Variants in LEMD3 observed in about 807,000 individuals in gnomAD.
The protein encoded by LEMD3 is inner nuclear membrane protein Man1.
LEMD3 carries 33 observed loss-of-function variants against 95.2 expected under a neutral mutation model. The ratio of observed to expected loss-of-function variants is 0.35; its 90% CI spans 0.26 to 0.46. LEMD3 has a LOEUF of 0.46. Ranked by LOEUF, LEMD3 falls within the 20% of genes least tolerant of loss-of-function variation. The pLI, the probability that LEMD3 is intolerant of heterozygous loss-of-function variation, is 1.00. For missense variants in LEMD3, 1,210 were observed against 1,192.8 expected, an observed-to-expected ratio of 1.01 and a Z score of -0.21; for synonymous variants, 525 against 474.6, an observed-to-expected ratio of 1.11 and a Z score of -1.38.
chr12:65,226,522 T>C (rs1870453369), intron 4 of LEMD3, among the ~76,000 whole-genome samples: 1 of 152,228 alleles, frequency 6.6e-6, no homozygotes, highest in Non-Finnish European at 1.5e-5. Flanking sequence ...GAATGTAGTA[T>C]ATGTTTTAAG....
intron 12 of LEMD3, 88 bp downstream of exon 12, chr12:65,246,027 G>T: frequency 1.5e-6 from 2 of 1,306,542 alleles, no homozygotes; most frequent in East Asian, 2.3e-5. Flanking sequence ...AAGAATTTAG[G>T]TTAGCATTTT....
intron 1 of LEMD3, among the ~76,000 whole-genome samples, chr12:65,190,355 A>C (rs951817352): frequency 1.3e-5 from 2 of 152,138 alleles, no homozygotes; most frequent in Admixed American, 6.6e-5. Flanking sequence ...GGGGTTGGAC[A>C]CGTCTCATTT....
At chr12:65,229,205 T>C (rs146871946) in intron 4 of LEMD3, among the ~76,000 whole-genome samples, 1 of 152,358 alleles carries the variant, frequency 6.6e-6, no homozygotes, top group East Asian at 1.9e-4. Context: ...TGCATCGGTG[T>C]TGATGTGAAT....
In LEMD3 at chr12:65,248,125, CATT is replaced by C. The variant is rs1291424631; in HGVS notation, c.*1801_*1803del. On this transcript the variant is annotated 3_prime_UTR_variant, in exon 13 of 13. Coordinates refer to ENST00000308330, the MANE Select transcript of LEMD3 (RefSeq NM_014319.5). ...GCTTCTAAAACATATTTCATGTAAA[CATT>C]GTACATTTATTATTGTAATATATAC... 1 of 152,352 alleles carries C rather than the reference CATT, an allele frequency of 6.6e-6. No individual in the cohort carries two copies. The highest frequency in any genetic ancestry group is 2.4e-5 in the African/African-American group (1 of 41,386). 9.4% of individuals were successfully genotyped at this position (152,352 alleles called of 1,614,324 possible). A position where few individuals can be genotyped will look rare whatever the true frequency, so the allele number is the denominator to read the frequency against.
intron 1 of LEMD3, among the ~76,000 whole-genome samples, chr12:65,200,040 C>A (rs1445264788): frequency 2.0e-5 from 3 of 150,668 alleles, no homozygotes; most frequent in Non-Finnish European, 1.5e-5. Context: ...GGGGGTGCAA[C>A]CCCTGCACCC....
At chr12:65,227,247 T>G (rs1870477762) in intron 4 of LEMD3, among the ~76,000 whole-genome samples, 1 of 152,220 alleles carries the variant, frequency 6.6e-6, no homozygotes, top group South Asian at 2.1e-4. Flanking sequence ...GGTTTTCACT[T>G]CTAGTAGTAG....
At chr12:65,228,202 T>C (rs545864161) in intron 4 of LEMD3, among the ~76,000 whole-genome samples, 64 of 151,858 alleles carry the variant, frequency 4.2e-4, no homozygotes, top group Non-Finnish European at 8.8e-4. Context: ...AGATGCGGGG[T>C]TGGGGTAAGT....
At position 65,169,598 on chromosome 12, in the gene LEMD3, T is replaced by TGGCGGCGGCAGCAGCTTC. The variant is rs1868436104; in HGVS notation, c.7_24dup (p.Ala3_Ala8dup). ...CTTGTAAAACACCCTGGAGAGAAAATGGCGGCGGCAGCAGCTTCGGCGCCT... is the reference window on the plus strand; with the variant it reads ...CTTGTAAAACACCCTGGAGAGAAAATGGCGGCGGCAGCAGCTTCGGCGGCGGCAGCAGCTTCGGCGCCT... On this transcript the variant is annotated inframe_insertion, in exon 1 of 13. Transcript: ENST00000308330. The TGGCGGCGGCAGCAGCTTC allele has an allele frequency of 1.9e-6, 3 of 1,587,568 alleles. No homozygotes were observed. The highest frequency in any genetic ancestry group is 1.8e-5 in the Admixed American group (1 of 55,692).
At chr12:65,241,151 T>C in intron 9 of LEMD3, 64 bp downstream of exon 9, 1 of 1,380,804 alleles carries the variant, frequency 7.2e-7, no homozygotes, top group Non-Finnish European at 1.0e-6. Flanking sequence ...CAAATATGTG[T>C]TAAGTGAAAC....
chr12:65,221,263 A>C (rs1410095130), intron 4 of LEMD3, among the ~76,000 whole-genome samples: 1 of 148,146 alleles, frequency 6.8e-6, no homozygotes, highest in African/African-American at 2.5e-5. Context: ...AAATCTTTCT[A>C]ATGCTATTAT....
intron 1 of LEMD3, among the ~76,000 whole-genome samples, chr12:65,189,088 T>A (rs1869157380): frequency 6.6e-6 from 1 of 152,192 alleles, no homozygotes; most frequent in Non-Finnish European, 1.5e-5. Flanking sequence ...TAGGCACAGT[T>A]AAGAGATTAA....
chr12:65,175,033 C>G (rs537809427), intron 1 of LEMD3, among the ~76,000 whole-genome samples: 16 of 152,084 alleles, frequency 1.1e-4, no homozygotes, highest in African/African-American at 3.9e-4. Context: ...ATTCCTGAGG[C>G]AAAAACAGGC....
At chr12:65,229,798 A>T (rs1014835915) in intron 4 of LEMD3, among the ~76,000 whole-genome samples, 6 of 152,048 alleles carry the variant, frequency 3.9e-5, no homozygotes, top group South Asian at 2.1e-4. Flanking sequence ...TCATCTCTTC[A>T]CTCTGTTGCT....
In LEMD3 at chr12:65,246,301, A is replaced by G; in HGVS notation, c.2712A>G (p.Leu904=). The G allele has an allele frequency of 6.2e-7, 1 of 1,613,424 alleles. No individual in the cohort carries two copies. The highest frequency in any genetic ancestry group is 8.5e-7 in the Non-Finnish European group (1 of 1,179,546). Residue 904 remains leucine, a synonymous_variant, in exon 13 of 13, where the codon CTA becomes CTG. Coordinates refer to ENST00000308330, the MANE Select transcript of LEMD3 (RefSeq NM_014319.5). ...SMSHLRLRTG[L]TNSQGSS ...CTCATCTTCGTCTTCGGACTGGCCT[A>G]ACCAATTCTCAAGGAAGTTCCTGAA... is the stretch of plus-strand genomic sequence containing the variant.
chr12:65,214,515 A>G (rs921227818), intron 2 of LEMD3, among the ~76,000 whole-genome samples: 2 of 152,130 alleles, frequency 1.3e-5, no homozygotes, highest in Admixed American at 1.3e-4. Flanking sequence ...GGCACTTTTG[A>G]TGAGTTTTCC....
intron 1 of LEMD3, among the ~76,000 whole-genome samples, chr12:65,173,415 T>C (rs577348010): frequency 6.6e-6 from 1 of 152,334 alleles, no homozygotes; most frequent in South Asian, 2.1e-4. Flanking sequence ...ATTTACATTT[T>C]AGTAAATGGT....
At chr12:65,179,261 T>C (rs2088214558) in intron 1 of LEMD3, among the ~76,000 whole-genome samples, 1 of 152,130 alleles carries the variant, frequency 6.6e-6, no homozygotes, top group Admixed American at 6.5e-5. Flanking sequence ...ATATTTTCCC[T>C]TTATACTCAT....
rs1870508835 is a variant in LEMD3, at chr12:65,228,046, G to A, written c.1695+9427G>A. Among the ~76,000 whole-genome samples, 3 of 152,134 alleles carry A rather than the reference G, an allele frequency of 2.0e-5. No homozygotes were observed. In the South Asian group the frequency reaches 6.2e-4, roughly 32 times the overall value. ...CTGAAGAAATGGGATAGGGACTGGG[G>A]ACAAGATAGGACCTGACCAGTAATT... On this transcript the variant is annotated intron_variant, in intron 4 of 12. Transcript: ENST00000308330.
chr12:65,178,489 A>G (rs1480187263), intron 1 of LEMD3, among the ~76,000 whole-genome samples: 1 of 152,154 alleles, frequency 6.6e-6, no homozygotes, highest in East Asian at 1.9e-4. Context: ...GCTTTTTTTC[A>G]CTAAGGCAAG....
Sources: gnomAD v4.1 joint callset for allele counts (sites outside exome capture counted in the v4.1 genomes callset) on GRCh38, gnomAD v4.1.1 for gene constraint, MANE v1.5 for transcripts, NCBI Gene and HGNC (gene_info 2026-07-23, HGNC 2026-07-21) for gene names.